The following ACSM3 variants were observed in gnomAD, a reference collection of about 807,000 sequenced individuals.
ACSM3 encodes acyl-coenzyme A synthetase ACSM3, mitochondrial.
ACSM3 carries 61 observed loss-of-function variants against 74.1 expected under a neutral mutation model. The ratio of observed to expected loss-of-function variants is 0.82; its 90% CI spans 0.67 to 1.02. ACSM3 has a LOEUF of 1.02. Ranked by LOEUF, ACSM3 falls within the 50% of genes least tolerant of loss-of-function variation. ACSM3 has a pLI of 0.00. For missense variants in ACSM3, 660 were observed against 697.0 expected (o/e 0.95, Z 0.60); for synonymous variants, 213 against 241.5 (o/e 0.88, Z 1.09).
intron 10 of ACSM3, chr16:20,791,057 G>A (rs1016531574): frequency 7.8e-6 from 7 of 902,638 alleles, no homozygotes; most frequent in Non-Finnish European, 1.2e-5. Context: ...CAGGGGATGC[G>A]GGGGTGGTGG....
chr16:20,733,279 A>C (rs1176940666), intron 1 of ACSM3, among the ~76,000 whole-genome samples: 1 of 152,162 alleles, frequency 6.6e-6, no homozygotes, highest in African/African-American at 2.4e-5. Context: ...TATTTCATCT[A>C]TCTTGTGCCT....
chr16:20,718,464 C>A, intron 1 of ACSM3: 1 of 485,108 alleles, frequency 2.1e-6, no homozygotes, highest in Non-Finnish European at 3.3e-6. Context: ...CTCAGAGCAG[C>A]TTCAGCATTG....
chr16:20,741,869 C>A (rs1005983874), intron 1 of ACSM3: 2 of 1,535,274 alleles, frequency 1.3e-6, no homozygotes, highest in African/African-American at 1.4e-5. Context: ...AAGCCTCATT[C>A]CGTGCTGCGC....
At chr16:20,738,988 G>A in intron 1 of ACSM3, 2 of 1,614,156 alleles carry the variant, frequency 1.2e-6, no homozygotes, top group Non-Finnish European at 1.7e-6. Context: ...ATGCCTTAAT[G>A]TCACCAACTT....
At chr16:20,729,172 GTT>G in intron 1 of ACSM3, 1 of 668,898 alleles carries the variant, frequency 1.5e-6, no homozygotes, top group Admixed American at 2.2e-5. Flanking sequence ...CTTAATGAGT[GTT>G]ATACCCATTT....
At chr16:20,764,460 G>A (rs962813373) in intron 1 of ACSM3, among the ~76,000 whole-genome samples, 1 of 152,102 alleles carries the variant, frequency 6.6e-6, no homozygotes, top group Non-Finnish European at 1.5e-5. Context: ...GCTCAAGCCT[G>A]TAATCCCACC....
chr16:20,742,796 T>A (rs1213694722), intron 1 of ACSM3, among the ~76,000 whole-genome samples: 1 of 120,048 alleles, frequency 8.3e-6, no homozygotes, highest in Admixed American at 8.3e-5. Context: ...CGTGTAAATA[T>A]ATATATATAT....
At chr16:20,709,100 T>C (rs1314977767) in intron 1 of ACSM3, among the ~76,000 whole-genome samples, 1 of 152,180 alleles carries the variant, frequency 6.6e-6, no homozygotes, top group Non-Finnish European at 1.5e-5. Flanking sequence ...CTGCACGTTG[T>C]GCACATGTAC....
intron 13 of ACSM3, 23 bp downstream of exon 13, chr16:20,796,512 A>G (rs781710889): frequency 8.1e-6 from 13 of 1,608,696 alleles, no homozygotes; most frequent in South Asian, 2.2e-5. Flanking sequence ...ATTATAACGA[A>G]TATTTGCTCA....
chr16:20,677,443 C>T (rs910683121), intron 1 of ACSM3, among the ~76,000 whole-genome samples: 6 of 152,184 alleles, frequency 3.9e-5, no homozygotes, highest in Non-Finnish European at 7.3e-5. Context: ...ATAGCTGCCA[C>T]TGCCCTACTG....
intron 1 of ACSM3, chr16:20,728,154 C>G: frequency 3.5e-6 from 1 of 282,310 alleles, no homozygotes; most frequent in Non-Finnish European, 7.2e-6. Context: ...AAAGTTTGTC[C>G]TCTCAATGGG....
intron 3 of ACSM3, among the ~76,000 whole-genome samples, chr16:20,756,795 T>C (rs1157519300): frequency 6.6e-6 from 1 of 152,222 alleles, no homozygotes; most frequent in Non-Finnish European, 1.5e-5. Flanking sequence ...TTAATCCAAC[T>C]TGAATTAATT....
intron 1 of ACSM3, among the ~76,000 whole-genome samples, chr16:20,769,621 T>C (rs1446195364): frequency 2.0e-5 from 3 of 152,228 alleles, no homozygotes; most frequent in Non-Finnish European, 4.4e-5. Context: ...TTCAGTGAGA[T>C]TAAGTGGGTG....
chr16:20,687,747 G>A (rs1450382925), intron 1 of ACSM3, among the ~76,000 whole-genome samples: 1 of 151,890 alleles, frequency 6.6e-6, no homozygotes, highest in Non-Finnish European at 1.5e-5. Context: ...AACTATATAT[G>A]AACAAAATAA....
intron 1 of ACSM3, among the ~76,000 whole-genome samples, chr16:20,677,656 T>A (rs1344978912): frequency 6.6e-6 from 1 of 152,172 alleles, no homozygotes; most frequent in Non-Finnish European, 1.5e-5. Flanking sequence ...AGCAGTTTCA[T>A]ACGAAAGGGA....
rs780081947 is a variant in ACSM3, at chr16:20,682,401, A to G, written c.-190+7579A>G. 2.5e-6 allele frequency: 4 copies of G among 1,613,932 alleles called. No individual in the cohort carries two copies. The Admixed American group carries it at 6.7e-5, about 27-fold the overall frequency. On this transcript the variant is annotated intron_variant, in intron 1 of 3. Transcript: ENST00000561584. ...GTCACAATGCCCTTGGCTTTAGACA[A>G]CTGTAGTCGATAGAGAATGTCTTTG...
At chr16:20,703,186 A>G (rs2079718066) in intron 1 of ACSM3, 1 of 152,332 alleles carries the variant, frequency 6.6e-6, no homozygotes, top group African/African-American at 2.4e-5. Context: ...CTGTTTTGGC[A>G]CCAGTACCAT....
At chr16:20,741,156 G>A (rs985081852) in intron 1 of ACSM3, among the ~76,000 whole-genome samples, 3 of 152,166 alleles carry the variant, frequency 2.0e-5, no homozygotes, top group African/African-American at 7.2e-5. Flanking sequence ...CAGCTACTCT[G>A]GAGGCTGAGA....
rs59655300 is a variant in ACSM3 at position 20,750,844 on chromosome 16, G to GTTT, written c.-96+857_-96+859dup. Reference sequence around the variant, plus strand: ...GAGAGAATATAAGTTTTGGAGTCAGGTTTTTTTTTTTTTTTTTTGAAACGG... The same window carrying GTTT: ...GAGAGAATATAAGTTTTGGAGTCAGGTTTTTTTTTTTTTTTTTTTTTGAAACGG... On this transcript the variant is annotated intron_variant, in intron 2 of 3. Coordinates refer to the ACSM3 transcript ENST00000561584. 3.6e-4 allele frequency among the ~76,000 whole-genome samples: 41 copies of GTTT among 115,350 alleles called. 1 individual carries two copies. Among genetic ancestry groups the GTTT allele is most frequent in the Admixed American group, 8.0e-4 (8 of 10,034 alleles). 75.7% of individuals were successfully genotyped at this position (115,350 alleles called of 152,430 possible). A position where few individuals can be genotyped will look rare whatever the true frequency, so the allele number is the denominator to read the frequency against.
Sources: allele counts gnomAD v4.1 joint callset (sites outside exome capture counted in the v4.1 genomes callset), GRCh38; gene constraint gnomAD v4.1.1; transcripts MANE v1.5; gene names NCBI Gene and HGNC (gene_info 2026-07-23, HGNC 2026-07-21).